Variants in ASPH observed in about 807,000 individuals in gnomAD.
ASPH encodes the protein aspartyl/asparaginyl beta-hydroxylase.
A neutral mutation model predicts 118.4 loss-of-function variants in ASPH; 100 were observed. The observed-to-expected ratio is 0.84, with a 90% confidence interval of 0.72 to 1.00. The LOEUF is 1.00. Ranked by LOEUF, ASPH falls within the 50% of genes least tolerant of loss-of-function variation. ASPH has a pLI of 0.00. For synonymous variants in ASPH, 315 were observed against 325.6 expected (o/e 0.97, Z 0.35); for missense variants, 920 against 919.5 (o/e 1.00, Z -0.01).
intron 15 of ASPH, chr8:61,578,394 G>A (rs528710457): frequency 1.3e-4 from 212 of 1,604,154 alleles, no homozygotes; most frequent in East Asian, 2.0e-4. Context: ...TGGGGCCAGC[G>A]GCATGGGAGG....
At chr8:61,650,277 C>A (rs974000220) in intron 5 of ASPH, among the ~76,000 whole-genome samples, 2 of 152,130 alleles carry the variant, frequency 1.3e-5, no homozygotes, top group African/African-American at 2.4e-5. Flanking sequence ...GGCTCCTACA[C>A]CCCTAGCATC....
chr8:61,516,702 T>C (rs1367813653), intron 24 of ASPH, among the ~76,000 whole-genome samples: 2 of 152,112 alleles, frequency 1.3e-5, no homozygotes, highest in Non-Finnish European at 2.9e-5. Context: ...TAAAACTAAA[T>C]TGGATCTTAG....
In ASPH at chr8:61,555,874, A is replaced by G. The variant is rs1451087205; in HGVS notation, c.1536+50T>C. The G allele has an allele frequency of 4.0e-6, 6 of 1,513,286 alleles. No individual in the cohort carries two copies. In the African/African-American group the frequency reaches 8.2e-5, roughly 21 times the overall value. The allele number at this position is 1,513,286 out of a possible 1,614,324, so 93.7% of individuals were successfully genotyped here. A position where few individuals can be genotyped will look rare whatever the true frequency, so the allele number is the denominator to read the frequency against. ...AAGGAATAAGCAAGTGTGTCCCAAT[A>G]ACTCGAAGGACTTGAAAGATGAAAG... On this transcript the variant is annotated intron_variant, in intron 19 of 24. Coordinates refer to ENST00000379454, the MANE Select transcript of ASPH (RefSeq NM_004318.4).
intron 19 of ASPH, among the ~76,000 whole-genome samples, chr8:61,554,805 A>G (rs370432064): frequency 6.6e-5 from 10 of 152,288 alleles, no homozygotes; most frequent in East Asian, 5.8e-4. Flanking sequence ...TAATGCATTC[A>G]CAGCTCAATG....
chr8:61,614,343 A>T (rs1848373160), intron 14 of ASPH, among the ~76,000 whole-genome samples: 1 of 152,190 alleles, frequency 6.6e-6, no homozygotes, highest in Non-Finnish European at 1.5e-5. Context: ...ACAAGAAAAA[A>T]CACATTTCCT....
At chr8:61,554,058 G>A (rs998483347) in intron 19 of ASPH, among the ~76,000 whole-genome samples, 1 of 152,190 alleles carries the variant, frequency 6.6e-6, no homozygotes, top group African/African-American at 2.4e-5. Flanking sequence ...AACTGACCAG[G>A]CCAGCTCTTG....
chr8:61,680,856 G>T, intron 3 of ASPH, 112 bp downstream of exon 3: 1 of 790,628 alleles, frequency 1.3e-6, no homozygotes, highest in Non-Finnish European at 1.9e-6. Flanking sequence ...ATGATTTAAG[G>T]GAGAAAAGTC....
chr8:61,665,089 ATATT>A (rs1818855412), intron 3 of ASPH: 2 of 1,403,776 alleles, frequency 1.4e-6, no homozygotes, highest in Non-Finnish European at 1.8e-6. Flanking sequence ...ATGAGACGGT[ATATT>A]TAAATTTCAG....
At chr8:61,632,847 T>C (rs1188438419) in intron 13 of ASPH, among the ~76,000 whole-genome samples, 1 of 152,128 alleles carries the variant, frequency 6.6e-6, no homozygotes, top group African/African-American at 2.4e-5. Flanking sequence ...AAATCAGTAA[T>C]AGGAATGCAC....
intron 2 of ASPH, chr8:61,682,377 A>G: frequency 6.7e-7 from 1 of 1,502,148 alleles, no homozygotes; most frequent in Non-Finnish European, 9.2e-7. Flanking sequence ...AAATTAGTAG[A>G]AAAAGGATGA....
intron 16 of ASPH, among the ~76,000 whole-genome samples, chr8:61,572,089 A>C (rs1833630351): frequency 6.6e-6 from 1 of 152,226 alleles, no homozygotes; most frequent in Admixed American, 6.5e-5. Context: ...TTTTTAATGG[A>C]GATATAAGAA....
At chr8:61,608,756 G>A (rs956253912) in intron 14 of ASPH, among the ~76,000 whole-genome samples, 1 of 152,170 alleles carries the variant, frequency 6.6e-6, no homozygotes, top group Non-Finnish European at 1.5e-5. Flanking sequence ...TGCACCTAGA[G>A]TGATGAAATC....
In ASPH at chr8:61,509,786, G is replaced by C. The variant is rs942797611; in HGVS notation, c.2127-6277C>G. 2.0e-5 allele frequency among the ~76,000 whole-genome samples: 3 copies of C among 152,090 alleles called. No individual in the cohort carries two copies. The East Asian group carries it at 5.8e-4, about 29-fold the overall frequency. ...CAGGGTAGGGGCACAGAGAGAAAAA[G>C]GAGAGATGTGAGTAGGGGGGGAGGG... On this transcript the variant is annotated intron_variant, in intron 24 of 24. Transcript: ENST00000379454.
At chr8:61,530,268 G>A (rs1207721096) in intron 21 of ASPH, among the ~76,000 whole-genome samples, 3 of 152,168 alleles carry the variant, frequency 2.0e-5, no homozygotes, top group East Asian at 1.9e-4. Flanking sequence ...TTGGTTGCCC[G>A]AAAGACACCA....
intron 18 of ASPH, among the ~76,000 whole-genome samples, chr8:61,557,633 T>G (rs767963129): frequency 6.6e-6 from 1 of 152,236 alleles, no homozygotes; most frequent in Non-Finnish European, 1.5e-5. Context: ...CCCACTAAGA[T>G]GCAAGCTCTA....
In ASPH at chr8:61,675,822, A is replaced by G. The variant is rs1824987256; in HGVS notation, c.322+5146T>C. ...TACAGAAACCAATTATACCACCAAG[A>G]ACATCATTTTCAGTGTACTTTGTAG... On this transcript the variant is annotated intron_variant, in intron 3 of 24. Transcript: ENST00000379454. 14 of 1,295,388 alleles carry G rather than the reference A, an allele frequency of 1.1e-5. No individual in the cohort carries two copies. The South Asian group carries it at 2.8e-4, about 25-fold the overall frequency. 80.2% of individuals were successfully genotyped at this position (1,295,388 alleles called of 1,614,324 possible).
At chr8:61,692,568 G>A (rs976494240) in intron 1 of ASPH, among the ~76,000 whole-genome samples, 24 of 152,086 alleles carry the variant, frequency 1.6e-4, no homozygotes, top group African/African-American at 5.1e-4. Context: ...CCACTGAGTC[G>A]AGGGTTCTAC....
chr8:61,581,959 T>C (rs908511440), intron 15 of ASPH, among the ~76,000 whole-genome samples: 2 of 152,218 alleles, frequency 1.3e-5, no homozygotes, highest in African/African-American at 2.4e-5. Context: ...CATACTTTCA[T>C]GTAACATAGT....
intron 14 of ASPH, among the ~76,000 whole-genome samples, chr8:61,590,758 A>C (rs1651384344): frequency 2.0e-5 from 3 of 152,088 alleles, no homozygotes; most frequent in Admixed American, 6.5e-5. Flanking sequence ...AGACTCTCGA[A>C]TATGGCATGA....
Sources: gnomAD v4.1 joint callset for allele counts (sites outside exome capture counted in the v4.1 genomes callset) on GRCh38, gnomAD v4.1.1 for gene constraint, MANE v1.5 for transcripts, NCBI Gene and HGNC (gene_info 2026-07-23, HGNC 2026-07-21) for gene names.